Variants in PTPN2 observed in about 807,000 individuals in gnomAD.
PTPN2 encodes the protein tyrosine-protein phosphatase non-receptor type 2.
In PTPN2, 19 loss-of-function variants were observed where a neutral mutation model predicts 57.3. The ratio of observed to expected loss-of-function variants is 0.33; its 90% CI spans 0.23 to 0.49. The LOEUF is 0.49. Among genes scored for constraint, PTPN2 ranks in the 20% least tolerant of loss-of-function variants. The pLI, the probability that PTPN2 is intolerant of heterozygous loss-of-function variation, is 0.99. For missense variants in PTPN2, 358 were observed against 501.1 expected (o/e 0.71, Z 2.73); for synonymous variants, 153 against 164.9 (o/e 0.93, Z 0.55).
At chr18:12,876,296 A>AAAGAAGAAGAAGAAG (rs71174150) in intron 1 of PTPN2, among the ~76,000 whole-genome samples, 2,163 of 145,156 alleles carry the variant, frequency 0.015, 44 homozygotes, top group East Asian at 0.06. Context: ...ACAACAACAA[A>AAAGAAGAAGAAGAAG]AAGAAGAAGA....
intron 1 of PTPN2, among the ~76,000 whole-genome samples, chr18:12,881,848 T>C (rs1444412130): frequency 6.6e-6 from 1 of 152,210 alleles, no homozygotes; most frequent in Non-Finnish European, 1.5e-5. Flanking sequence ...TTCATCAGCT[T>C]ACCTATTTAC....
chr18:12,829,080 T>C (rs563582798), intron 4 of PTPN2, among the ~76,000 whole-genome samples: 49 of 152,148 alleles, frequency 3.2e-4, no homozygotes, highest in Non-Finnish European at 6.5e-4. Flanking sequence ...GTATTTTTTG[T>C]AGAGACAGAG....
chr18:12,836,653 T>C (rs952059179), intron 3 of PTPN2, 138 bp downstream of exon 3: 102 of 600,444 alleles, frequency 1.7e-4, no homozygotes, highest in African/African-American at 1.5e-3. Context: ...ATGTCCATAA[T>C]TCATTACATC....
At chr18:12,835,458 C>A (rs1184057460) in intron 3 of PTPN2, among the ~76,000 whole-genome samples, 1 of 145,624 alleles carries the variant, frequency 6.9e-6, no homozygotes, top group African/African-American at 2.6e-5. Context: ...TCACTGCCAC[C>A]TCCACCTCCC....
intron 2 of PTPN2, among the ~76,000 whole-genome samples, chr18:12,837,561 C>T (rs2042910016): frequency 6.6e-6 from 1 of 151,950 alleles, no homozygotes; most frequent in Non-Finnish European, 1.5e-5. Flanking sequence ...AAAATGTGAC[C>T]TTATACATTT....
intron 4 of PTPN2, among the ~76,000 whole-genome samples, chr18:12,827,863 CA>C (rs2042534235): frequency 6.6e-6 from 1 of 151,980 alleles, no homozygotes; most frequent in Non-Finnish European, 1.5e-5. Context: ...TGTAATTCAA[CA>C]AATATTTCTT....
At chr18:12,804,456 A>G (rs1013503337) in intron 7 of PTPN2, among the ~76,000 whole-genome samples, 1 of 151,926 alleles carries the variant, frequency 6.6e-6, no homozygotes, top group African/African-American at 2.4e-5. Flanking sequence ...CGAAAGATCA[A>G]CAAAACCAAG....
chr18:12,875,454 G>T (rs1319080512), intron 1 of PTPN2, among the ~76,000 whole-genome samples: 1 of 152,102 alleles, frequency 6.6e-6, no homozygotes, highest in Admixed American at 6.5e-5. Context: ...AATTTTACAT[G>T]CTAAACTGAT....
At chr18:12,832,963 ATT>A (rs2145380637) in intron 3 of PTPN2, among the ~76,000 whole-genome samples, 1 of 152,132 alleles carries the variant, frequency 6.6e-6, no homozygotes, top group African/African-American at 2.4e-5. Context: ...TGATTTTTGT[ATT>A]TTTAGTAGAG....
At chr18:12,797,072 A>G (rs973856737) in intron 8 of PTPN2, among the ~76,000 whole-genome samples, 1 of 152,156 alleles carries the variant, frequency 6.6e-6, no homozygotes, top group Non-Finnish European at 1.5e-5. Flanking sequence ...ATTCTTACTC[A>G]GAATTCACTC....
At position 12,819,217 on chromosome 18, in the gene PTPN2, T is replaced by TA. The variant is rs1491527550; in HGVS notation, c.496-1853dup. 2.1e-6 allele frequency: 3 copies of TA among 1,411,922 alleles called. No individual in the cohort carries two copies. In the East Asian group the frequency reaches 7.7e-5, roughly 36 times the overall value. The allele number at this position is 1,411,922 out of a possible 1,614,324, so 87.5% of individuals were successfully genotyped here. On this transcript the variant is annotated intron_variant, in intron 5 of 8. Coordinates refer to ENST00000309660, the MANE Select transcript of PTPN2 (RefSeq NM_002828.4). ...AAATTTTCTAAAAAGTACATACTTT[T>TA]AGTGACCTTTTAACATCCAGCATTA...
At chr18:12,815,557 C>T (rs2042047880) in intron 6 of PTPN2, among the ~76,000 whole-genome samples, 2 of 152,126 alleles carry the variant, frequency 1.3e-5, no homozygotes, top group African/African-American at 4.8e-5. Context: ...TCCCCACACC[C>T]AGGCTCACCA....
chr18:12,812,363 C>T (rs768497427), intron 7 of PTPN2, among the ~76,000 whole-genome samples: 50 of 152,186 alleles, frequency 3.3e-4, no homozygotes, highest in African/African-American at 1.2e-3. Context: ...CACTTTGGGA[C>T]GCCGAGGTGG....
In PTPN2 at chr18:12,793,012, T is replaced by A. The variant is rs554291594; in HGVS notation, c.*1266A>T. The stretch of plus-strand genomic sequence containing the variant: ...GTTGAAAGTAACCTCTTGACCCACC[T>A]GGACATCCAATGAGCATAGTTTGAA... On this transcript the variant is annotated 3_prime_UTR_variant, in exon 9 of 9. Coordinates refer to ENST00000309660, the MANE Select transcript of PTPN2 (RefSeq NM_002828.4). 3.1e-4 allele frequency: 302 copies of A among 985,300 alleles called. 1 individual carries two copies. The highest frequency in any genetic ancestry group is 3.3e-4 in the Non-Finnish European group (271 of 829,788). The allele number at this position is 985,300 out of a possible 1,614,324, so 61.0% of individuals were successfully genotyped here.
intron 5 of PTPN2, among the ~76,000 whole-genome samples, chr18:12,818,618 C>T (rs1346045602): frequency 6.6e-6 from 1 of 150,822 alleles, no homozygotes; most frequent in African/African-American, 2.4e-5. Flanking sequence ...TGGTCTTCCA[C>T]TAATATGTCT....
intron 8 of PTPN2, among the ~76,000 whole-genome samples, chr18:12,795,290 T>G (rs965041776): frequency 3.4e-4 from 52 of 151,876 alleles, no homozygotes; most frequent in East Asian, 1.7e-3. Context: ...GAAATTTTTT[T>G]GGGGTGGTGG....
intron 7 of PTPN2, among the ~76,000 whole-genome samples, chr18:12,805,310 A>C (rs2041600127): frequency 6.6e-6 from 1 of 151,762 alleles, no homozygotes. Flanking sequence ...TACAAAAAAT[A>C]GCTGGGTGTG....
intron 1 of PTPN2, among the ~76,000 whole-genome samples, chr18:12,878,464 G>A (rs2044564769): frequency 6.6e-6 from 1 of 152,196 alleles, no homozygotes; most frequent in Admixed American, 6.5e-5. Context: ...GAGGTCAGGA[G>A]TTCAAGACCA....
chr18:12,876,283 A>G (rs2044484767), intron 1 of PTPN2, among the ~76,000 whole-genome samples: 1 of 147,776 alleles, frequency 6.8e-6, no homozygotes, highest in Admixed American at 6.7e-5. Context: ...CTGGCCAACA[A>G]GAACAACAAC....
Sources: gnomAD v4.1 joint callset for allele counts (sites outside exome capture counted in the v4.1 genomes callset) on GRCh38, gnomAD v4.1.1 for gene constraint, MANE v1.5 for transcripts, NCBI Gene and HGNC (gene_info 2026-07-23, HGNC 2026-07-21) for gene names.